The following HMCN2 variants were observed in gnomAD, a reference collection of about 807,000 sequenced individuals.
The protein encoded by HMCN2 is hemicentin 2, also known as hemicentin-2.
A neutral mutation model predicts 377.5 loss-of-function variants in HMCN2; 325 were observed. The observed-to-expected ratio is 0.86, with a 90% CI of 0.79 to 0.94. HMCN2 has a LOEUF of 0.94. HMCN2 is among the 40% of genes least tolerant of loss of function. The pLI is 0.00. For synonymous variants in HMCN2, 2,007 were observed against 2,046.8 expected, an observed-to-expected ratio of 0.98 and a Z score of 0.53; for missense variants, 4,543 against 4,725.3, an observed-to-expected ratio of 0.96 and a Z score of 1.13.
At chr9:130,326,212 A>G (rs1838127346) in intron 21 of HMCN2, among the ~76,000 whole-genome samples, 2 of 152,034 alleles carry the variant, frequency 1.3e-5, no homozygotes, top group African/African-American at 4.8e-5. Flanking sequence ...GCTTGTGCAC[A>G]TGTAGTTCCT....
chr9:130,324,868 G>A (rs968706896), intron 19 of HMCN2, among the ~76,000 whole-genome samples: 3 of 151,634 alleles, frequency 2.0e-5, no homozygotes, highest in Non-Finnish European at 2.9e-5. Context: ...CTGGTGATCC[G>A]CCCACCTTGG....
chr9:130,297,042 G>T (rs966754073), intron 7 of HMCN2, among the ~76,000 whole-genome samples: 1 of 152,160 alleles, frequency 6.6e-6, no homozygotes, highest in South Asian at 2.1e-4. Context: ...AACATCCTCC[G>T]TGCCTCCACA....
chr9:130,361,931 G>C lies in HMCN2; in HGVS notation c.5951-77G>C, dbSNP rs139252641. ...TTGCTGTGGCTGTGTGCTCCTGCAGGGGTGCCCAGCCAGGGGCCCTGCCTG... is the reference window on the plus strand; with the variant it reads ...TTGCTGTGGCTGTGTGCTCCTGCAGCGGTGCCCAGCCAGGGGCCCTGCCTG... On this transcript the variant is annotated intron_variant, in intron 38 of 97. Coordinates refer to ENST00000683500, the MANE Select transcript of HMCN2 (RefSeq NM_001291815.2). This position sits in a 1 kb window ranked among gnomAD's most constrained non-coding sequence, Gnocchi z 4.8. 5.6e-4 allele frequency: 523 copies of C among 937,778 alleles called. No individual in the cohort carries two copies. Among genetic ancestry groups the C allele is most frequent in the Non-Finnish European group, 6.3e-4 (494 of 786,180 alleles). 58.1% of individuals were successfully genotyped at this position (937,778 alleles called of 1,614,324 possible).
rs989699730 is a variant in HMCN2 at position 130,418,918 on chromosome 9, C to T, written c.13108C>T (p.Arg4370Trp). ...ACCCTTGCGGGCCAGCCGGCGGCTC[C>T]GGACCCTGCCCGATGGGAGCCTGTG... ...GQPLRASRRL[R>W]TLPDGSLWLE... is the part of the protein sequence containing the mutation. The change falls in exon 86 of 98, where the codon CGG (arginine) becomes TGG (tryptophan). Residue 4370 changes from arginine (R) to tryptophan (W), a missense_variant. Physicochemically the swap from Arg to Trp is moderately radical, Grantham distance 101. This residue lies in a region of HMCN2 where 1,155 missense variants were observed against 1,157.7 expected (regional missense o/e 1.00). Coordinates refer to ENST00000683500, the MANE Select transcript of HMCN2 (RefSeq NM_001291815.2). The T allele has an allele frequency of 5.8e-5, 90 of 1,548,132 alleles. No individual in the cohort carries two copies. Among genetic ancestry groups the T allele is most frequent in the East Asian group, 1.2e-4 (5 of 40,896 alleles).
At chr9:130,280,868 G>A (rs1208944317) in intron 1 of HMCN2, among the ~76,000 whole-genome samples, 1 of 152,176 alleles carries the variant, frequency 6.6e-6, no homozygotes, top group Non-Finnish European at 1.5e-5. Context: ...CACTTTGGGA[G>A]CCCAATGCAG....
intron 22 of HMCN2, among the ~76,000 whole-genome samples, chr9:130,335,467 A>G (rs1294350299): frequency 6.6e-6 from 1 of 152,064 alleles, no homozygotes; most frequent in African/African-American, 2.4e-5. Context: ...ATTCCTTTGC[A>G]CTATAAAGAC....
chr9:130,267,474 A>G (rs57508146), intron 1 of HMCN2, among the ~76,000 whole-genome samples: 6,238 of 132,998 alleles, frequency 0.047, 243 homozygotes, highest in East Asian at 0.14. Context: ...ACACACACAC[A>G]CACGCACAGA....
intron 11 of HMCN2, among the ~76,000 whole-genome samples, chr9:130,305,809 C>T (rs1836818341): frequency 6.6e-6 from 1 of 152,236 alleles, no homozygotes; most frequent in Non-Finnish European, 1.5e-5. Flanking sequence ...GAGCCGTCCC[C>T]AGCCCTGGTA....
intron 4 of HMCN2, among the ~76,000 whole-genome samples, chr9:130,291,864 C>G (rs1554930163): frequency 6.6e-6 from 1 of 152,190 alleles, no homozygotes; most frequent in African/African-American, 2.4e-5. Flanking sequence ...TCATCAAGGG[C>G]TGTGCATTTC....
rs1840812056 is a variant in HMCN2 at position 130,368,373 on chromosome 9, A to G, written c.6723A>G (p.Thr2241=). 3 of 985,950 alleles carry G rather than the reference A, an allele frequency of 3.0e-6. No homozygotes were observed. The highest frequency in any genetic ancestry group is 3.6e-6 in the Non-Finnish European group (3 of 830,098). 61.1% of individuals were successfully genotyped at this position (985,950 alleles called of 1,614,324 possible). ...LGQAQLAQEG[T]YTCECSNVVG... is the part of the protein sequence containing the mutation. Reference sequence around the variant, plus strand: ...AGGCCCAGCTGGCTCAGGAAGGAACATACACCTGTGAATGCAGCAACGTGG... The same window carrying G: ...AGGCCCAGCTGGCTCAGGAAGGAACGTACACCTGTGAATGCAGCAACGTGG... The change falls in exon 44 of 98, where the codon ACA becomes ACG. Residue 2241 remains threonine, a synonymous_variant. Coordinates refer to ENST00000683500, the MANE Select transcript of HMCN2 (RefSeq NM_001291815.2).
chr9:130,296,522 C>T (rs938093679), intron 6 of HMCN2, among the ~76,000 whole-genome samples, 152 bp from the exon 7 acceptor site: 2 of 152,140 alleles, frequency 1.3e-5, no homozygotes, highest in African/African-American at 2.4e-5. Flanking sequence ...TCGTGCTGGG[C>T]CCCTTGGGAG....
At chr9:130,382,108 G>C (rs931342522) in intron 54 of HMCN2, 76 bp from the exon 55 acceptor site, 11 of 556,238 alleles carry the variant, frequency 2.0e-5, no homozygotes, top group Non-Finnish European at 2.5e-5. Context: ...GTCCACTCCA[G>C]AGGAGGGGGC....
intron 61 of HMCN2, among the ~76,000 whole-genome samples, chr9:130,387,082 G>A (rs1347662343): frequency 2.6e-5 from 4 of 152,202 alleles, no homozygotes; most frequent in Non-Finnish European, 5.9e-5. Context: ...CACACAGGAG[G>A]CCACGTTACC....
At chr9:130,314,055 C>G (rs1837414378) in intron 15 of HMCN2, among the ~76,000 whole-genome samples, 1 of 152,218 alleles carries the variant, frequency 6.6e-6, no homozygotes, top group Non-Finnish European at 1.5e-5. Flanking sequence ...GCTGGGATTA[C>G]AGGCATGAGC....
rs557767114 is a variant in HMCN2, at chr9:130,277,658, A to G, written c.260-6945A>G. On this transcript the variant is annotated intron_variant, in intron 1 of 97. Transcript: ENST00000683500. ...CAAAACTTGGTGCTTAGTAAACATCAAAACAATGGTAACATCACTATTACC... is the reference window on the plus strand; with the variant it reads ...CAAAACTTGGTGCTTAGTAAACATCGAAACAATGGTAACATCACTATTACC... Among the ~76,000 whole-genome samples the G allele has an allele frequency of 3.3e-5, 5 of 152,116 alleles. No individual in the cohort carries two copies. In the East Asian group the frequency reaches 5.8e-4, roughly 18 times the overall value.
chr9:130,348,502 A>C, intron 26 of HMCN2, 43 bp from the exon 27 acceptor site: 1 of 1,297,726 alleles, frequency 7.7e-7, no homozygotes, highest in Non-Finnish European at 1.0e-6. Flanking sequence ...CTGTGGCTCT[A>C]AGGGGGCAGG....
chr9:130,339,455 T>A (rs1838934094), intron 23 of HMCN2, among the ~76,000 whole-genome samples: 2 of 152,118 alleles, frequency 1.3e-5, no homozygotes, highest in Admixed American at 6.5e-5. Flanking sequence ...AGGGTTCCCA[T>A]GGGTTTGCCT....
chr9:130,371,016 C>T lies in HMCN2; in HGVS notation c.7122C>T (p.Ala2374=). 1 of 986,114 alleles carries T rather than the reference C, an allele frequency of 1.0e-6. No homozygotes were observed. The highest frequency in any genetic ancestry group is 1.7e-5 in the African/African-American group (1 of 57,354). The allele number at this position is 986,114 out of a possible 1,614,324, so 61.1% of individuals were successfully genotyped here. A position where few individuals can be genotyped will look rare whatever the true frequency, so the allele number is the denominator to read the frequency against. The change falls in exon 46 of 98, where the codon GCC becomes GCT. Residue 2374 remains alanine, a synonymous_variant. Coordinates refer to ENST00000683500, the MANE Select transcript of HMCN2 (RefSeq NM_001291815.2). ...ACCCGCTGACCAACATCACTGCTGC[C>T]TTGCACAGCCCCTTAACTCTGCTCT... ...DLDPLTNITA[A]LHSPLTLLCE...
rs1445693508 is a variant in HMCN2 at position 130,403,318 on chromosome 9, C to T, written c.12003C>T (p.Asn4001=). ...PTITWQKEGL[N]VATGVSTQVL... is the part of the protein sequence containing the mutation. ...TCACCTGGCAGAAGGAAGGGCTCAA[C>T]GTCGCTACTGGTGAGGGCCCCTGGC... Residue 4001 remains asparagine (N), a synonymous_variant, in exon 79 of 98, where the codon AAC becomes AAT. Transcript: ENST00000683500. 9.3e-6 allele frequency: 12 copies of T among 1,289,814 alleles called. No homozygotes were observed. Among genetic ancestry groups the T allele is most frequent in the South Asian group, 4.9e-5 (4 of 81,028 alleles). 79.9% of individuals were successfully genotyped at this position (1,289,814 alleles called of 1,614,324 possible).
Sources: gnomAD v4.1 joint callset for allele counts (sites outside exome capture counted in the v4.1 genomes callset) on GRCh38, gnomAD v4.1.1 for gene constraint, gnomAD v4.1.1 regional missense constraint, Gnocchi (gnomAD v3.1) non-coding constraint, MANE v1.5 for transcripts, NCBI Gene and HGNC (gene_info 2026-07-23, HGNC 2026-07-21) for gene names.